The following CNP variants were observed in gnomAD, a reference collection of about 807,000 sequenced individuals.
The protein encoded by CNP is 2',3'-cyclic-nucleotide 3'-phosphodiesterase.
CNP carries 8 observed loss-of-function variants against 37.9 expected under a neutral mutation model. The observed-to-expected ratio is 0.21, with a 90% CI of 0.12 to 0.38. CNP has a LOEUF of 0.38. Ranked by LOEUF, CNP falls within the 10% of genes least tolerant of loss-of-function variation. The pLI is 1.00. For synonymous variants in CNP, 237 were observed against 238.3 expected, an observed-to-expected ratio of 0.99 and a Z score of 0.05; for missense variants, 457 against 551.0, an observed-to-expected ratio of 0.83 and a Z score of 1.71.
chr17:41,967,908 C>T, intron 1 of CNP, 160 bp from the exon 2 acceptor site: 1 of 1,444,608 alleles, frequency 6.9e-7, no homozygotes, highest in South Asian at 1.5e-5. Context: ...CTTCCTCCTC[C>T]ACGACCAGAA....
Position 41,976,313 on chromosome 17 carries a change from C to T in CNP, c.*2389C>T. The T allele has an allele frequency of 4.6e-6, 1 of 215,922 alleles. No homozygotes were observed. Among genetic ancestry groups the T allele is most frequent in the South Asian group, 6.6e-5 (1 of 15,084 alleles). The allele number at this position is 215,922 out of a possible 1,614,324, so 13.4% of individuals were successfully genotyped here. Reference sequence around the variant, plus strand: ...GACAGGTCTGGGAGAGGCAGAGTGCCCCACCTGCCACTAGGCTGGGTGCCC... The same window carrying T: ...GACAGGTCTGGGAGAGGCAGAGTGCTCCACCTGCCACTAGGCTGGGTGCCC... On this transcript the variant is annotated 3_prime_UTR_variant, in exon 4 of 4. Transcript: ENST00000393892.
Position 41,976,516 on chromosome 17 carries a change from C to T in CNP, c.*2592C>T. The stretch of plus-strand genomic sequence containing the variant: ...CAGTAAAACAAAAATTCACAAGCTG[C>T]CTCCCTGTCCACCCCCGCCTCCCTC... On this transcript the variant is annotated 3_prime_UTR_variant, in exon 4 of 4. Transcript: ENST00000393892. The T allele has an allele frequency of 1.9e-6, 1 of 532,640 alleles. No homozygotes were observed. The highest frequency in any genetic ancestry group is 2.7e-5 in the South Asian group (1 of 36,744). 33.0% of individuals were successfully genotyped at this position (532,640 alleles called of 1,614,324 possible).
Position 41,968,538 on chromosome 17 carries a change from T to C in CNP, c.474T>C (p.Cys158=). 1 of 1,614,064 alleles carries C rather than the reference T, an allele frequency of 6.2e-7. No individual in the cohort carries two copies. The highest frequency in any genetic ancestry group is 1.6e-4 in the Middle Eastern group (1 of 6,062). Residue 158 remains cysteine (C), a synonymous_variant, in exon 2 of 4, where the codon TGT becomes TGC. Coordinates refer to ENST00000393892, the MANE Select transcript of CNP (RefSeq NM_033133.5). This position sits in a 1 kb window ranked among gnomAD's most constrained non-coding sequence, Gnocchi z 4.8. The part of the protein sequence containing the change: ...VEPKTAWRLD[C]AQLKEKNQWQ... ...CCAAGACGGCGTGGCGGCTGGACTG[T>C]GCCCAGCTCAAGGAGAAGAACCAGT...
chr17:41,968,727 G>T lies in CNP; in HGVS notation c.663G>T (p.Lys221Asn), dbSNP rs781922862. The change falls in exon 2 of 4, where the codon AAG becomes AAT. Residue 221 changes from lysine to asparagine, a missense_variant. Lys to Asn is a moderately conservative substitution (Grantham distance 94). Transcript: ENST00000393892. The surrounding 1 kb of genome is among the most constrained non-coding windows in gnomAD (Gnocchi z 4.8). ...TGGGGAACCACAAGGCCTTCAAGAA[G>T]GAGCTGCGACAATGTAGGTGGCAGG... The part of the protein sequence containing the change: ...EELGNHKAFK[K>N]ELRQFVPGDE... 3 of 1,610,306 alleles carry T rather than the reference G, an allele frequency of 1.9e-6. No homozygotes were observed. Among genetic ancestry groups the T allele is most frequent in the Non-Finnish European group, 1.7e-6 (2 of 1,177,504 alleles).
rs2050927313 is a variant in CNP, at chr17:41,967,946, G to T, written c.4-122G>T. On this transcript the variant is annotated intron_variant, in intron 1 of 3. Transcript: ENST00000393892. ...GGAAAGGTGCTCCCGGACCGAAAGG[G>T]AAAGAAGGTCCAGCACTGCCCCGCT... The T allele has an allele frequency of 1.5e-5, 23 of 1,497,908 alleles. No individual in the cohort carries two copies. In the South Asian group the frequency reaches 2.9e-4, roughly 19 times the overall value. 92.8% of individuals were successfully genotyped at this position (1,497,908 alleles called of 1,614,324 possible). A position where few individuals can be genotyped will look rare whatever the true frequency, so the allele number is the denominator to read the frequency against.
intron 2 of CNP, chr17:41,971,524 A>C: frequency 5.7e-6 from 1 of 175,884 alleles, no homozygotes. Flanking sequence ...CAGCCTCCCA[A>C]GTAGCTGGGA....
In CNP at chr17:41,973,381, C is replaced by T. The variant is rs2143043221; in HGVS notation, c.817-94C>T. ...GCTGTGCTCACTTCTGTTAGACTTC[C>T]CCTTCTCTCCTCCAGGAGGGACCCT... On this transcript the variant is annotated intron_variant, in intron 3 of 3. Coordinates refer to ENST00000393892, the MANE Select transcript of CNP (RefSeq NM_033133.5). 4 of 1,200,038 alleles carry T rather than the reference C, an allele frequency of 3.3e-6. No individual in the cohort carries two copies. The South Asian group carries it at 4.2e-5, about 13-fold the overall frequency. The allele number at this position is 1,200,038 out of a possible 1,614,324, so 74.3% of individuals were successfully genotyped here.
rs1435430049 is a variant in CNP at position 41,976,842 on chromosome 17, A to C, written c.*2918A>C. 1 of 1,564,954 alleles carries C rather than the reference A, an allele frequency of 6.4e-7. No homozygotes were observed. The highest frequency in any genetic ancestry group is 1.4e-5 in the African/African-American group (1 of 72,280). On this transcript the variant is annotated 3_prime_UTR_variant, in exon 4 of 4. Coordinates refer to ENST00000393892, the MANE Select transcript of CNP (RefSeq NM_033133.5). ...GAAGATCACTTTGCTCTGATTATGG[A>C]AAAGTCTTCAAGGGCTGCTTCAAAC...
At position 41,976,582 on chromosome 17, in the gene CNP, C is replaced by G. The variant is rs1959566570; in HGVS notation, c.*2658C>G. On this transcript the variant is annotated 3_prime_UTR_variant, in exon 4 of 4. Transcript: ENST00000393892. ...TCGGCATTGGTTCCCTTTGCTCCACCCCACTCACAGAGACACAGGGCATCC... is the reference window on the plus strand; with the variant it reads ...TCGGCATTGGTTCCCTTTGCTCCACGCCACTCACAGAGACACAGGGCATCC... The G allele has an allele frequency of 2.0e-6, 2 of 986,324 alleles. No individual in the cohort carries two copies. Among genetic ancestry groups the G allele is most frequent in the African/African-American group, 1.7e-5 (1 of 59,118 alleles). 61.1% of individuals were successfully genotyped at this position (986,324 alleles called of 1,614,324 possible).
At position 41,976,565 on chromosome 17, in the gene CNP, G is replaced by T; in HGVS notation, c.*2641G>T. ...TCCCCTGCCCTCGGTCTTCGGCATT[G>T]GTTCCCTTTGCTCCACCCCACTCAC... is the stretch of plus-strand genomic sequence containing the variant. On this transcript the variant is annotated 3_prime_UTR_variant, in exon 4 of 4. Coordinates refer to ENST00000393892, the MANE Select transcript of CNP (RefSeq NM_033133.5). 2.4e-5 allele frequency: 18 copies of T among 743,692 alleles called. No individual in the cohort carries two copies. The highest frequency in any genetic ancestry group is 6.9e-5 in the East Asian group (2 of 28,920). 46.1% of individuals were successfully genotyped at this position (743,692 alleles called of 1,614,324 possible).
intron 2 of CNP, among the ~76,000 whole-genome samples, chr17:41,969,347 T>C (rs2050950592): frequency 6.6e-6 from 1 of 152,068 alleles, no homozygotes; most frequent in Admixed American, 6.6e-5. Flanking sequence ...TGGAAAAACA[T>C]GGACCCAGGA....
chr17:41,967,283 G>A (rs2050913996), intron 1 of CNP: 2 of 182,712 alleles, frequency 1.1e-5, no homozygotes, highest in Non-Finnish European at 2.3e-5. Flanking sequence ...GGGTGCGGGC[G>A]GGAGGTGGAG....
intron 3 of CNP, 39 bp downstream of exon 3, chr17:41,972,070 T>C (rs1485028265): frequency 2.5e-6 from 4 of 1,605,484 alleles, no homozygotes; most frequent in African/African-American, 2.7e-5. Flanking sequence ...AGGTGGGAGG[T>C]TGGGGGAGAA....
Position 41,968,349 on chromosome 17 carries a change from C to T in CNP, c.285C>T (p.Ala95=), listed in dbSNP as rs781943089. Residue 95 remains alanine (A), a synonymous_variant, in exon 2 of 4, where the codon GCC becomes GCT. Coordinates refer to ENST00000393892, the MANE Select transcript of CNP (RefSeq NM_033133.5). The surrounding 1 kb of genome is among the most constrained non-coding windows in gnomAD (Gnocchi z 4.8). ...AGATCACCCCCGGCGCTCGAGGAGC[C>T]TTCTCCGAGGAGTACAAGCGGCTCG... ...AYKITPGARG[A]FSEEYKRLDE... is the part of the protein sequence containing the mutation. 1.2e-5 allele frequency: 19 copies of T among 1,614,004 alleles called. No homozygotes were observed. In the African/African-American group the frequency reaches 1.2e-4, roughly 10 times the overall value.
intron 1 of CNP, chr17:41,967,854 A>G: frequency 1.4e-6 from 2 of 1,391,638 alleles, no homozygotes; most frequent in African/African-American, 1.4e-5. Context: ...AGTGGCAGGA[A>G]TGGGGAAAGC....
Position 41,976,261 on chromosome 17 carries a change from C to A in CNP, c.*2337C>A, listed in dbSNP as rs1410891431. 2 of 162,372 alleles carry A rather than the reference C, an allele frequency of 1.2e-5. No homozygotes were observed. Among genetic ancestry groups the A allele is most frequent in the Non-Finnish European group, 2.7e-5 (2 of 75,386 alleles). 10.1% of individuals were successfully genotyped at this position (162,372 alleles called of 1,614,324 possible). ...GTTAGGCTGGGCCCAGAGGCACAGC[C>A]GGGGCCTGCCTAGCACTCACATGCT... On this transcript the variant is annotated 3_prime_UTR_variant, in exon 4 of 4. Transcript: ENST00000393892.
In CNP at chr17:41,973,581, A is replaced by G. The variant is rs782225791; in HGVS notation, c.923A>G (p.Gln308Arg). Residue 308 changes from glutamine (Q) to arginine (R), a missense_variant, in exon 4 of 4, where the codon CAG becomes CGG. By Grantham distance (43) the Gln-to-Arg change is conservative. Around this residue, in one of 2 missense-constraint regions of CNP, gnomAD observed 291 missense variants for 291.7 expected, o/e 1.00. Coordinates refer to ENST00000393892, the MANE Select transcript of CNP (RefSeq NM_033133.5). Reference sequence around the variant, plus strand: ...GTGGAGTTAAGCGAGCAGCAACTGCAGTTGTGGCCGAGTGATGTGGACAAG... The same window carrying G: ...GTGGAGTTAAGCGAGCAGCAACTGCGGTTGTGGCCGAGTGATGTGGACAAG... The part of the protein sequence containing the change: ...ARVELSEQQL[Q>R]LWPSDVDKLS... The G allele has an allele frequency of 1.2e-6, 2 of 1,614,216 alleles. No individual in the cohort carries two copies. Among genetic ancestry groups the G allele is most frequent in the Non-Finnish European group, 1.7e-6 (2 of 1,180,040 alleles).
chr17:41,968,010 A>G lies in CNP; in HGVS notation c.4-58A>G. ...ACAACCAGTCTAGGGACTAGGGGTA[A>G]GGCCGGCGGGGAGCCCGCGAATGAC... On this transcript the variant is annotated intron_variant, in intron 1 of 3. Transcript: ENST00000393892. This position sits in a 1 kb window ranked among gnomAD's most constrained non-coding sequence, Gnocchi z 4.8. 6.4e-7 allele frequency: 1 copy of G among 1,564,028 alleles called. No homozygotes were observed. The highest frequency in any genetic ancestry group is 1.3e-5 in the African/African-American group (1 of 74,102).
Position 41,976,587 on chromosome 17 carries a change from TCA to T in CNP, c.*2666_*2667del, listed in dbSNP as rs2051086166. The stretch of plus-strand genomic sequence containing the variant: ...ATTGGTTCCCTTTGCTCCACCCCAC[TCA>T]CAGAGACACAGGGCATCCAACTGAG... On this transcript the variant is annotated 3_prime_UTR_variant, in exon 4 of 4. Transcript: ENST00000393892. The T allele has an allele frequency of 1.1e-6, 1 of 921,204 alleles. No individual in the cohort carries two copies. The highest frequency in any genetic ancestry group is 3.4e-5 in the Admixed American group (1 of 29,014). 57.1% of individuals were successfully genotyped at this position (921,204 alleles called of 1,614,324 possible).
Sources: allele counts gnomAD v4.1 joint callset (sites outside exome capture counted in the v4.1 genomes callset), GRCh38; gene constraint gnomAD v4.1.1; regional missense constraint gnomAD v4.1.1; non-coding constraint Gnocchi (gnomAD v3.1); transcripts MANE v1.5; gene names NCBI Gene and HGNC (gene_info 2026-07-23, HGNC 2026-07-21).